ROCK2: variants seen among roughly 807,000 people sequenced by gnomAD.
ROCK2 encodes the protein rho-associated protein kinase 2.
Under a neutral mutation model 195.1 loss-of-function variants are expected in ROCK2, and 61 were observed. The observed-to-expected ratio is 0.31, with a 90% CI of 0.25 to 0.39. The LOEUF is 0.39. ROCK2 is among the 10% of genes least tolerant of loss of function. The probability of loss-of-function intolerance (pLI) is 1.00; values close to 1 mark genes in which losing one functional copy is unlikely to be tolerated. For missense variants in ROCK2, 1,109 were observed against 1,637.4 expected (o/e 0.68, Z 5.57); for synonymous variants, 504 against 545.5 (o/e 0.92, Z 1.06).
chr2:11,339,543 A>AAAAAAAAAAAAAAAAAAAC (rs1669040377), intron 1 of ROCK2, among the ~76,000 whole-genome samples: 1 of 34,196 alleles, frequency 2.9e-5, no homozygotes, highest in African/African-American at 4.4e-5. Flanking sequence ...AAAAAAAAAC[A>AAAAAAAAAAAAAAAAAAAC]AAAAAAAAAG....
intron 5 of ROCK2, among the ~76,000 whole-genome samples, chr2:11,229,319 G>A (rs1275925889): frequency 6.6e-6 from 1 of 152,000 alleles, no homozygotes; most frequent in African/African-American, 2.4e-5. Context: ...TTATGTGGAA[G>A]CCCTCAAATT....
At chr2:11,263,928 C>T (rs1045661643) in intron 3 of ROCK2, among the ~76,000 whole-genome samples, 2 of 150,256 alleles carry the variant, frequency 1.3e-5, no homozygotes, top group African/African-American at 4.9e-5. Flanking sequence ...TGTAGAATTC[C>T]CATTTTTTAT....
At chr2:11,215,135 G>A (rs371053193) in intron 15 of ROCK2, 49 bp from the exon 16 acceptor site, 8 of 1,596,564 alleles carry the variant, frequency 5.0e-6, no homozygotes, top group African/African-American at 4.1e-5. Flanking sequence ...ACACATGTAT[G>A]TAATGAAAAT....
intron 3 of ROCK2, among the ~76,000 whole-genome samples, chr2:11,276,046 G>A (rs1040159639): frequency 3.9e-5 from 6 of 151,998 alleles, no homozygotes; most frequent in African/African-American, 1.4e-4. Context: ...GAACAAACCA[G>A]GAGTAAAAGA....
At chr2:11,335,110 C>A (rs867497213) in intron 1 of ROCK2, among the ~76,000 whole-genome samples, 4 of 5,290 alleles carry the variant, frequency 7.6e-4, no homozygotes, top group South Asian at 0.02. Flanking sequence ...TTGACTGATA[C>A]ACACACACAC....
Position 11,256,213 on chromosome 2 carries a change from T to C in ROCK2, c.325-6415A>G, listed in dbSNP as rs576501302. On this transcript the variant is annotated intron_variant, in intron 3 of 32. Coordinates refer to ENST00000315872, the MANE Select transcript of ROCK2 (RefSeq NM_004850.5). ...GTTTGGATTTGTGCCCCCACCCAAA[T>C]TTCAGGTCAAATTGTAATTCCCAGT... is the stretch of plus-strand genomic sequence containing the variant. 2.0e-5 allele frequency among the ~76,000 whole-genome samples: 3 copies of C among 151,302 alleles called. No individual in the cohort carries two copies. The South Asian group carries it at 6.2e-4, about 31-fold the overall frequency.
chr2:11,259,509 T>C (rs974818996), intron 3 of ROCK2, among the ~76,000 whole-genome samples: 11 of 151,422 alleles, frequency 7.3e-5, no homozygotes, highest in Non-Finnish European at 1.5e-4. Flanking sequence ...TAATTCTTTC[T>C]CCTTGGGCAG....
At chr2:11,290,403 A>G (rs1667324419) in intron 1 of ROCK2, among the ~76,000 whole-genome samples, 1 of 152,178 alleles carries the variant, frequency 6.6e-6, no homozygotes, top group Admixed American at 6.5e-5. Flanking sequence ...GTTCAAGAGC[A>G]GCCTGGGCAA....
chr2:11,317,232 A>C (rs759745468), intron 1 of ROCK2, among the ~76,000 whole-genome samples: 43 of 152,178 alleles, frequency 2.8e-4, no homozygotes, highest in Admixed American at 2.5e-3. Flanking sequence ...TAATAAATTT[A>C]GTCACTTTTA....
Position 11,197,617 on chromosome 2 carries a change from T to G in ROCK2, c.3188A>C (p.Asn1063Thr), listed in dbSNP as rs1663689054. 3 of 1,613,732 alleles carry G rather than the reference T, an allele frequency of 1.9e-6. No homozygotes were observed. The highest frequency in any genetic ancestry group is 2.5e-6 in the Non-Finnish European group (3 of 1,179,746). ...TTTAAGCTCCATATGTAGCTTTCTATTCTCCTTCTCTTTTCTCCGCACATC... is the reference window on the plus strand; with the variant it reads ...TTTAAGCTCCATATGTAGCTTTCTAGTCTCCTTCTCTTTTCTCCGCACATC... ...DTDVRRKEKE[N>T]RKLHMELKSE... The change falls in exon 26 of 33, where the codon AAT (asparagine) becomes ACT (threonine). Residue 1063 changes from asparagine to threonine, a missense_variant. By Grantham distance (65) the Asn-to-Thr change is moderately conservative. Transcript: ENST00000315872. This position sits in a 1 kb window ranked among gnomAD's most constrained non-coding sequence, Gnocchi z 4.9.
At chr2:11,292,392 T>C (rs1193846214) in intron 1 of ROCK2, among the ~76,000 whole-genome samples, 2 of 152,184 alleles carry the variant, frequency 1.3e-5, no homozygotes, top group Non-Finnish European at 2.9e-5. Context: ...AATACTATTG[T>C]CATACCTACA....
intron 32 of ROCK2, among the ~76,000 whole-genome samples, chr2:11,190,698 G>C (rs567607858): frequency 2.7e-4 from 41 of 151,990 alleles, no homozygotes; most frequent in Non-Finnish European, 5.3e-4. Flanking sequence ...ATTTTAAAGA[G>C]CAAATGAGAT....
chr2:11,323,376 C>CAAAT (rs1249134913), intron 1 of ROCK2, among the ~76,000 whole-genome samples: 1 of 151,754 alleles, frequency 6.6e-6, no homozygotes, highest in Admixed American at 6.6e-5. Flanking sequence ...AATGAGAAAA[C>CAAAT]AAATACTCAG....
intron 3 of ROCK2, among the ~76,000 whole-genome samples, chr2:11,260,251 CA>C (rs1558336034): frequency 6.6e-6 from 1 of 150,930 alleles, no homozygotes; most frequent in East Asian, 1.9e-4. Context: ...AGTTCCAGAC[CA>C]GTGTGGCCAA....
At chr2:11,231,155 T>C (rs1664993742) in intron 5 of ROCK2, among the ~76,000 whole-genome samples, 2 of 152,076 alleles carry the variant, frequency 1.3e-5, no homozygotes, top group South Asian at 2.1e-4. Flanking sequence ...TATGCTAGAA[T>C]ATTAATGGAT....
intron 3 of ROCK2, among the ~76,000 whole-genome samples, chr2:11,272,486 T>C (rs1187233932): frequency 2.0e-5 from 3 of 152,144 alleles, no homozygotes; most frequent in East Asian, 1.9e-4. Flanking sequence ...ATATAAAAAA[T>C]TGATGCATTT....
upstream of ROCK2, among the ~76,000 whole-genome samples, chr2:11,344,856 CG>C (rs1669247891): frequency 6.6e-6 from 1 of 150,768 alleles, no homozygotes; most frequent in South Asian, 2.1e-4. The surrounding 1 kb of genome is among the most constrained non-coding windows in gnomAD (Gnocchi z 5.4). Context: ...GGCGAATAGC[CG>C]GGCGCGCGGT....
intron 1 of ROCK2, among the ~76,000 whole-genome samples, chr2:11,336,163 T>C (rs1668922659): frequency 6.6e-6 from 1 of 152,204 alleles, no homozygotes; most frequent in African/African-American, 2.4e-5. Flanking sequence ...AAATGACAAA[T>C]CTTTCTTCAC....
intron 27 of ROCK2, 196 bp from the exon 28 acceptor site, chr2:11,195,221 G>C: frequency 3.1e-6 from 1 of 323,944 alleles, no homozygotes; most frequent in Non-Finnish European, 5.5e-6. Context: ...CAAAATCCAG[G>C]TTATATCATA....
Sources: allele counts gnomAD v4.1 joint callset (sites outside exome capture counted in the v4.1 genomes callset), GRCh38; gene constraint gnomAD v4.1.1; non-coding constraint Gnocchi (gnomAD v3.1); transcripts MANE v1.5; gene names NCBI Gene and HGNC (gene_info 2026-07-23, HGNC 2026-07-21).